The following SRGAP3 variants were observed in gnomAD, a reference collection of about 807,000 sequenced individuals.
SRGAP3 encodes the protein SLIT-ROBO Rho GTPase activating protein 3.
A neutral mutation model predicts 121.1 loss-of-function variants in SRGAP3; 39 were observed. The ratio of observed to expected loss-of-function variants is 0.32; its 90% CI spans 0.25 to 0.42. The LOEUF is 0.42. SRGAP3 is among the 10% of genes least tolerant of loss of function. The pLI, the probability that SRGAP3 is intolerant of heterozygous loss-of-function variation, is 1.00. For synonymous variants in SRGAP3, 601 were observed against 570.0 expected (o/e 1.05, Z -0.77); for missense variants, 1,213 against 1,470.6 (o/e 0.82, Z 2.86).
At chr3:9,146,995 C>T (rs553959973) in intron 1 of SRGAP3, among the ~76,000 whole-genome samples, 5 of 152,156 alleles carry the variant, frequency 3.3e-5, no homozygotes, top group Non-Finnish European at 7.3e-5. Context: ...AGACCAGAGA[C>T]GTGTGGGATG....
chr3:9,120,607 G>A (rs1305111423), intron 2 of SRGAP3, among the ~76,000 whole-genome samples: 2 of 152,170 alleles, frequency 1.3e-5, no homozygotes, highest in African/African-American at 4.8e-5. Context: ...CAGCTCATTG[G>A]GTCCTCGTTA....
intron 3 of SRGAP3, among the ~76,000 whole-genome samples, chr3:9,101,664 G>C (rs1324732068): frequency 5.3e-5 from 8 of 152,208 alleles, no homozygotes; most frequent in Non-Finnish European, 7.3e-5. Flanking sequence ...GAAAGACAGA[G>C]TTCTAGTAAC....
intron 1 of SRGAP3, among the ~76,000 whole-genome samples, chr3:9,159,258 T>C (rs1488421361): frequency 6.6e-6 from 1 of 152,062 alleles, no homozygotes; most frequent in East Asian, 1.9e-4. Context: ...TGCTTGTCAG[T>C]CTGTGTAGAT....
chr3:9,307,529 T>C (rs1406215199), intron 3 of SRGAP3, among the ~76,000 whole-genome samples: 1 of 152,198 alleles, frequency 6.6e-6, no homozygotes, highest in Non-Finnish European at 1.5e-5. Flanking sequence ...CCAAAATGCA[T>C]ACTCTATTTA....
At chr3:9,030,169 GA>G (rs1559954805) in intron 12 of SRGAP3, among the ~76,000 whole-genome samples, 1,626 of 151,762 alleles carry the variant, frequency 0.011, 19 homozygotes, top group African/African-American at 0.035. Context: ...ATGAATGAAT[GA>G]ATGAATGAAT....
chr3:9,160,267 C>T lies in SRGAP3; in HGVS notation c.68-35350G>A, dbSNP rs78056989. Among the ~76,000 whole-genome samples, 503 of 152,322 alleles carry T rather than the reference C, an allele frequency of 3.3e-3. 2 individuals are homozygous for T. Among genetic ancestry groups the T allele is most frequent in the African/African-American group, 0.011 (478 of 41,578 alleles). On this transcript the variant is annotated intron_variant, in intron 1 of 21. Transcript: ENST00000383836. ...GACCTAAGAGCATCCTTCACCTCCC[C>T]CTAAGTGTGGGACATATTTAGTGAC...
At chr3:9,015,970 T>A in intron 14 of SRGAP3, 1 of 549,918 alleles carries the variant, frequency 1.8e-6, no homozygotes, top group Admixed American at 3.1e-5. Flanking sequence ...CCATCACCCT[T>A]CGCTTACAAC....
chr3:9,294,695 C>CGCGTGTGTGT (rs1553568606), intron 3 of SRGAP3, among the ~76,000 whole-genome samples: 1 of 119,818 alleles, frequency 8.3e-6, no homozygotes, highest in African/African-American at 3.1e-5. Context: ...TTGAAGCTTT[C>CGCGTGTGTGT]GTGTGTGTGT....
Position 9,121,193 on chromosome 3 carries a change from T to C in SRGAP3, c.260+3532A>G, listed in dbSNP as rs533733236. On this transcript the variant is annotated intron_variant, in intron 2 of 21. Transcript: ENST00000383836. ...TTCCCTCCTTCCTCCCTCCCACCCA[T>C]GCACACGCACCCCAGCTCTGCCAAG... 1.1e-4 allele frequency among the ~76,000 whole-genome samples: 16 copies of C among 152,046 alleles called. No homozygotes were observed. In the South Asian group the frequency reaches 3.3e-3, roughly 32 times the overall value.
At chr3:9,189,403 T>C (rs888188609) in intron 1 of SRGAP3, among the ~76,000 whole-genome samples, 21 of 152,296 alleles carry the variant, frequency 1.4e-4, no homozygotes, top group Middle Eastern at 3.4e-3. Flanking sequence ...TTTTTATCTA[T>C]TGTCATATTT....
intron 1 of SRGAP3, among the ~76,000 whole-genome samples, chr3:9,235,132 C>G (rs926059882): frequency 2.0e-5 from 3 of 152,144 alleles, no homozygotes; most frequent in Non-Finnish European, 2.9e-5. Flanking sequence ...CCTAAAGGAC[C>G]ATTAAAACGG....
intron 3 of SRGAP3, among the ~76,000 whole-genome samples, chr3:9,296,603 G>T (rs1056146071): frequency 5.9e-5 from 9 of 152,196 alleles, no homozygotes; most frequent in African/African-American, 2.2e-4. Context: ...AAGAGTACAG[G>T]TTCTGGATTC....
chr3:9,181,158 G>A (rs1255294122), intron 1 of SRGAP3, among the ~76,000 whole-genome samples: 1 of 152,188 alleles, frequency 6.6e-6, no homozygotes, highest in Non-Finnish European at 1.5e-5. Flanking sequence ...GCTGCTGAGA[G>A]AATTGAATGA....
At chr3:9,121,478 C>T (rs1463132881) in intron 2 of SRGAP3, among the ~76,000 whole-genome samples, 1 of 152,204 alleles carries the variant, frequency 6.6e-6, no homozygotes, top group Non-Finnish European at 1.5e-5. Flanking sequence ...CTAGAGACTC[C>T]ACTTCCAGAA....
chr3:9,065,614 CCT>C (rs1244231389), intron 4 of SRGAP3: 2 of 152,172 alleles, frequency 1.3e-5, no homozygotes, highest in Non-Finnish European at 2.9e-5. Context: ...TTGGATCAGC[CCT>C]CTTTTCATTC....
rs1942234081 is a variant in SRGAP3, at chr3:8,993,982, C to T, written c.2408+361G>A. The T allele has an allele frequency of 1.7e-5, 6 of 345,472 alleles. No homozygotes were observed. In the South Asian group the frequency reaches 1.8e-4, roughly 10 times the overall value. 21.4% of individuals were successfully genotyped at this position (345,472 alleles called of 1,614,324 possible). ...TCTGCCCATCCCCTAAGAGAGCTAC[C>T]TCTGGAGTGTAGAACCGTAGGCAGG... On this transcript the variant is annotated intron_variant, in intron 19 of 21. Coordinates refer to ENST00000383836, the MANE Select transcript of SRGAP3 (RefSeq NM_014850.4).
At chr3:8,992,638 C>T in intron 20 of SRGAP3, 1 of 559,786 alleles carries the variant, frequency 1.8e-6, no homozygotes, top group Non-Finnish European at 3.2e-6. Context: ...GTATCTCTCT[C>T]ACACATTATT....
At chr3:9,280,017 G>C (rs1954649097) in intron 3 of SRGAP3, among the ~76,000 whole-genome samples, 1 of 152,222 alleles carries the variant, frequency 6.6e-6, no homozygotes, top group Non-Finnish European at 1.5e-5. Context: ...TCTGGCATTT[G>C]GTTGAGTGGA....
At chr3:9,267,380 A>G (rs950955602) in intron 3 of SRGAP3, among the ~76,000 whole-genome samples, 2 of 152,238 alleles carry the variant, frequency 1.3e-5, no homozygotes, top group African/African-American at 4.8e-5. Flanking sequence ...ATCAACTACA[A>G]AAGTGGCTCA....
Sources: gnomAD v4.1 joint callset for allele counts (sites outside exome capture counted in the v4.1 genomes callset) on GRCh38, gnomAD v4.1.1 for gene constraint, MANE v1.5 for transcripts, NCBI Gene and HGNC (gene_info 2026-07-23, HGNC 2026-07-21) for gene names.